The following KIRREL3 variants were observed in gnomAD, a reference collection of about 807,000 sequenced individuals.
KIRREL3 encodes the protein kin of IRRE-like protein 3.
A neutral mutation model predicts 89.7 loss-of-function variants in KIRREL3; 36 were observed. The observed-to-expected ratio is 0.40, with a 90% CI of 0.31 to 0.53. KIRREL3 has a LOEUF of 0.53. KIRREL3 is among the 20% of genes least tolerant of loss of function. KIRREL3 has a pLI of 0.49. For synonymous variants in KIRREL3, 445 were observed against 441.4 expected, an observed-to-expected ratio of 1.01 and a Z score of -0.10; for missense variants, 864 against 1,056.6, an observed-to-expected ratio of 0.82 and a Z score of 2.53.
intron 1 of KIRREL3, among the ~76,000 whole-genome samples, chr11:126,813,378 C>T (rs1951452495): frequency 6.6e-6 from 1 of 152,158 alleles, no homozygotes; most frequent in South Asian, 2.1e-4. Context: ...GACCTTGGAT[C>T]CTCGTAGTTT....
Position 126,967,284 on chromosome 11 carries a change from C to T in KIRREL3, c.55+33171G>A, listed in dbSNP as rs774949622. Among the ~76,000 whole-genome samples, 7 of 152,084 alleles carry T rather than the reference C, an allele frequency of 4.6e-5. 1 individual carries two copies. Among genetic ancestry groups the T allele is most frequent in the Non-Finnish European group, 8.8e-5 (6 of 68,004 alleles). The stretch of plus-strand genomic sequence containing the variant: ...TTCCTCGGTGCTCCTTCACCATGCC[C>T]GCACATCCCTCCAAAGAGCACTGCA... On this transcript the variant is annotated intron_variant, in intron 1 of 16. Transcript: ENST00000525144.
chr11:126,631,120 TATGTATTCATTCATTCATTCATTC>T (rs1400734003), intron 1 of KIRREL3, among the ~76,000 whole-genome samples: 1 of 139,560 alleles, frequency 7.2e-6, no homozygotes, highest in Admixed American at 7.0e-5. Flanking sequence ...AGTCTGTATG[TATGTATTCATTCATTCATTCATTC>T]ATTCATTCAT....
At position 126,508,382 on chromosome 11, in the gene KIRREL3, C is replaced by T. The variant is rs1958094860; in HGVS notation, c.433+12933G>A. On this transcript the variant is annotated intron_variant, in intron 4 of 16. Transcript: ENST00000525144. The surrounding 1 kb of genome is among the most constrained non-coding windows in gnomAD (Gnocchi z 4.9). ...GATGGAGAAAGACGCGGCAGGTGGC[C>T]GCCCAGAGGATGATACTGAATGGGA... 6.6e-6 allele frequency among the ~76,000 whole-genome samples: 1 copy of T among 152,036 alleles called. No individual in the cohort carries two copies. Among genetic ancestry groups the T allele is most frequent in the African/African-American group, 2.4e-5 (1 of 41,378 alleles).
rs1260867242 is a variant in KIRREL3, at chr11:126,429,324, T to A, written c.1697-36A>T. 6.8e-7 allele frequency: 1 copy of A among 1,464,056 alleles called. No individual in the cohort carries two copies. The highest frequency in any genetic ancestry group is 9.6e-7 in the Non-Finnish European group (1 of 1,044,952). The allele number at this position is 1,464,056 out of a possible 1,614,324, so 90.7% of individuals were successfully genotyped here. On this transcript the variant is annotated intron_variant, in intron 14 of 16. Transcript: ENST00000525144. The surrounding 1 kb of genome is among the most constrained non-coding windows in gnomAD (Gnocchi z 5.2). Reference sequence around the variant, plus strand: ...AATAGTAAAGTGTAGATGATAGATTTAGTTCTTACCTTTGAGATGTCAAGC... The same window carrying A: ...AATAGTAAAGTGTAGATGATAGATTAAGTTCTTACCTTTGAGATGTCAAGC...
rs868446824 is a variant in KIRREL3 at position 126,656,881 on chromosome 11, G to A, written c.56-93969C>T. 7.2e-5 allele frequency among the ~76,000 whole-genome samples: 11 copies of A among 152,112 alleles called. No homozygotes were observed. The highest frequency in any genetic ancestry group is 3.4e-3 in the Middle Eastern group (1 of 294). ...AGCCTGGCTGTCGTGGTGGGACCCCGTCTCTACTAGGAATACAGGGGTTGG... is the reference window on the plus strand; with the variant it reads ...AGCCTGGCTGTCGTGGTGGGACCCCATCTCTACTAGGAATACAGGGGTTGG... On this transcript the variant is annotated intron_variant, in intron 1 of 16. Transcript: ENST00000525144. This position sits in a 1 kb window ranked among gnomAD's most constrained non-coding sequence, Gnocchi z 4.0.
At position 126,686,640 on chromosome 11, in the gene KIRREL3, C is replaced by T. The variant is rs925775306; in HGVS notation, c.56-123728G>A. Among the ~76,000 whole-genome samples, 18 of 152,120 alleles carry T rather than the reference C, an allele frequency of 1.2e-4. No homozygotes were observed. The highest frequency in any genetic ancestry group is 2.9e-4 in the African/African-American group (12 of 41,434). On this transcript the variant is annotated intron_variant, in intron 1 of 16. Transcript: ENST00000525144. This position sits in a 1 kb window ranked among gnomAD's most constrained non-coding sequence, Gnocchi z 4.7. ...TGTGGCACAGGCTGGAGTGCAGTGG[C>T]GTGATCTTGGCTCACTGCAACCTCG...
chr11:126,767,364 C>A (rs577259601), intron 1 of KIRREL3, among the ~76,000 whole-genome samples: 1 of 152,278 alleles, frequency 6.6e-6, no homozygotes, highest in South Asian at 2.1e-4. Flanking sequence ...CTGAGGGAGA[C>A]CCCCACCCTG....
At position 126,689,388 on chromosome 11, in the gene KIRREL3, T is replaced by G. The variant is rs1343718609; in HGVS notation, c.56-126476A>C. Among the ~76,000 whole-genome samples the G allele has an allele frequency of 6.6e-6, 1 of 152,162 alleles. No homozygotes were observed. On this transcript the variant is annotated intron_variant, in intron 1 of 16. Transcript: ENST00000525144. The surrounding 1 kb of genome is among the most constrained non-coding windows in gnomAD (Gnocchi z 5.2). ...CCTGGGAGCCCAGAGTCCCCATCCT[T>G]GCATCTCATGATCTATCATTTAACA...
chr11:126,833,406 C>T (rs1943676304), intron 1 of KIRREL3, among the ~76,000 whole-genome samples: 1 of 152,220 alleles, frequency 6.6e-6, no homozygotes, highest in Non-Finnish European at 1.5e-5. Flanking sequence ...CCAGATGCAA[C>T]CCTGTTGACA....
chr11:126,425,595 C>G, intron 16 of KIRREL3, 43 bp downstream of exon 16: 1 of 1,485,450 alleles, frequency 6.7e-7, no homozygotes, highest in Non-Finnish European at 9.2e-7. Context: ...GAGCTAAAGA[C>G]CAGATTCCAT....
At chr11:126,714,428 T>C (rs1402325292) in intron 1 of KIRREL3, among the ~76,000 whole-genome samples, 4 of 152,198 alleles carry the variant, frequency 2.6e-5, no homozygotes, top group South Asian at 4.1e-4. Context: ...AAGAAACCTG[T>C]GCTAATGCCT....
chr11:126,577,592 C>CAAAAAAAAAAA (rs61210940), intron 1 of KIRREL3, among the ~76,000 whole-genome samples: 20 of 115,754 alleles, frequency 1.7e-4, no homozygotes, highest in East Asian at 2.7e-4. Flanking sequence ...ACTAAAAATA[C>CAAAAAAAAAAA]AAAAAAAAAA....
At position 126,611,004 on chromosome 11, in the gene KIRREL3, C is replaced by G. The variant is rs552929039; in HGVS notation, c.56-48092G>C. On this transcript the variant is annotated intron_variant, in intron 1 of 16. Coordinates refer to ENST00000525144, the MANE Select transcript of KIRREL3 (RefSeq NM_032531.4). The surrounding 1 kb of genome is among the most constrained non-coding windows in gnomAD (Gnocchi z 4.7). The stretch of plus-strand genomic sequence containing the variant: ...ACACATCTGAAAGCCTCTGAACAAC[C>G]TGCGATGAAGATTCTTGAAAAAAGA... 2.6e-5 allele frequency: 4 copies of G among 152,226 alleles called. No homozygotes were observed. In the East Asian group the frequency reaches 7.7e-4, roughly 29 times the overall value. 9.4% of individuals were successfully genotyped at this position (152,226 alleles called of 1,614,324 possible). A position where few individuals can be genotyped will look rare whatever the true frequency, so the allele number is the denominator to read the frequency against.
In KIRREL3 at chr11:126,463,344, T is replaced by C; in HGVS notation, c.592-37A>G. 6.3e-7 allele frequency: 1 copy of C among 1,595,026 alleles called. No homozygotes were observed. The highest frequency in any genetic ancestry group is 8.6e-7 in the Non-Finnish European group (1 of 1,167,230). On this transcript the variant is annotated intron_variant, in intron 5 of 16. Coordinates refer to ENST00000525144, the MANE Select transcript of KIRREL3 (RefSeq NM_032531.4). The surrounding 1 kb of genome is among the most constrained non-coding windows in gnomAD (Gnocchi z 5.9). Reference sequence around the variant, plus strand: ...GGGAAAGGGGAGAGAAAGCTCCATGTCGCTTGGCTGGGGTGGCCAGCCTGG... The same window carrying C: ...GGGAAAGGGGAGAGAAAGCTCCATGCCGCTTGGCTGGGGTGGCCAGCCTGG...
At chr11:126,644,129 G>T (rs1398102071) in intron 1 of KIRREL3, among the ~76,000 whole-genome samples, 1 of 152,168 alleles carries the variant, frequency 6.6e-6, no homozygotes, top group Non-Finnish European at 1.5e-5. Context: ...ATTGAAAAGG[G>T]GCTAAAATAA....
chr11:126,467,917 G>A (rs1182622343), intron 5 of KIRREL3, among the ~76,000 whole-genome samples: 6 of 152,190 alleles, frequency 3.9e-5, no homozygotes, highest in African/African-American at 1.4e-4. Flanking sequence ...GGGAGGGGGT[G>A]CCCAGTGGAG....
In KIRREL3 at chr11:126,778,302, G is replaced by A. The variant is rs371144461; in HGVS notation, c.56-215390C>T. Among the ~76,000 whole-genome samples the A allele has an allele frequency of 8.3e-4, 126 of 152,308 alleles. 1 individual carries two copies. In the South Asian group the frequency reaches 0.025, roughly 30 times the overall value. The stretch of plus-strand genomic sequence containing the variant: ...TATTTTGGAAACTAGTGCAAGAGGA[G>A]GCCAGGGGATTTGTCTTGAAGTTGT... On this transcript the variant is annotated intron_variant, in intron 1 of 16. Transcript: ENST00000525144. The surrounding 1 kb of genome is among the most constrained non-coding windows in gnomAD (Gnocchi z 4.5).
rs1015396674 is a variant in KIRREL3 at position 126,427,229 on chromosome 11, C to G, written c.1807-1505G>C. Reference sequence around the variant, plus strand: ...GGCTGTGGTTTCCTCCCTCGTAAAACTAAACACTCCACTGTGTTAATTTTA... The same window carrying G: ...GGCTGTGGTTTCCTCCCTCGTAAAAGTAAACACTCCACTGTGTTAATTTTA... On this transcript the variant is annotated intron_variant, in intron 15 of 16. Coordinates refer to ENST00000525144, the MANE Select transcript of KIRREL3 (RefSeq NM_032531.4). This position sits in a 1 kb window ranked among gnomAD's most constrained non-coding sequence, Gnocchi z 5.3. 6.6e-6 allele frequency among the ~76,000 whole-genome samples: 1 copy of G among 152,182 alleles called. No individual in the cohort carries two copies. Among genetic ancestry groups the G allele is most frequent in the African/African-American group, 2.4e-5 (1 of 41,444 alleles).
chr11:126,888,309 G>A (rs1945777448), intron 1 of KIRREL3, among the ~76,000 whole-genome samples: 1 of 152,108 alleles, frequency 6.6e-6, no homozygotes, highest in African/African-American at 2.4e-5. Context: ...TTGAAGTGAG[G>A]GAGCTCAGTT....
Sources: allele counts gnomAD v4.1 joint callset (sites outside exome capture counted in the v4.1 genomes callset), GRCh38; gene constraint gnomAD v4.1.1; non-coding constraint Gnocchi (gnomAD v3.1); transcripts MANE v1.5; gene names NCBI Gene and HGNC (gene_info 2026-07-23, HGNC 2026-07-21).